The following GALNT7 variants were observed in gnomAD, a reference collection of about 807,000 sequenced individuals.
The protein encoded by GALNT7 is N-acetylgalactosaminyltransferase 7.
GALNT7 carries 60 observed loss-of-function variants against 82.1 expected under a neutral mutation model. That is an observed-to-expected ratio of 0.73 (90% CI 0.59 to 0.91). GALNT7 has a LOEUF of 0.91. Ranked by LOEUF, GALNT7 falls within the 40% of genes least tolerant of loss-of-function variation. The probability of loss-of-function intolerance (pLI) is 0.00; values close to 1 mark genes in which losing one functional copy is unlikely to be tolerated. For missense variants in GALNT7, 660 were observed against 804.2 expected (o/e 0.82, Z 2.17); for synonymous variants, 243 against 275.1 (o/e 0.88, Z 1.15).
At position 173,323,092 on chromosome 4, in the gene GALNT7, T is replaced by C. The variant is rs1410316165; in HGVS notation, c.*1375T>C. 1.3e-5 allele frequency: 2 copies of C among 152,298 alleles called. No homozygotes were observed. Among genetic ancestry groups the C allele is most frequent in the African/African-American group, 4.8e-5 (2 of 41,360 alleles). The allele number at this position is 152,298 out of a possible 1,614,324, so 9.4% of individuals were successfully genotyped here. Reference sequence around the variant, plus strand: ...TTTTAATTTCTCAAAAGATACTCTGTTATCCAGAAGATTAAAATGCCTACA... The same window carrying C: ...TTTTAATTTCTCAAAAGATACTCTGCTATCCAGAAGATTAAAATGCCTACA... On this transcript the variant is annotated 3_prime_UTR_variant, in exon 12 of 12. Transcript: ENST00000265000.
intron 1 of GALNT7, among the ~76,000 whole-genome samples, chr4:173,219,123 C>T (rs1469691820): frequency 6.6e-6 from 1 of 151,988 alleles, no homozygotes; most frequent in Admixed American, 6.6e-5. Context: ...TTATCCCTCT[C>T]CTCCCTCCCA....
At chr4:173,218,439 C>A (rs1351674866) in intron 1 of GALNT7, among the ~76,000 whole-genome samples, 1 of 147,184 alleles carries the variant, frequency 6.8e-6, no homozygotes, top group East Asian at 2.1e-4. Context: ...GATAGTATTG[C>A]CCTTACCTAA....
chr4:173,195,350 G>A lies in GALNT7; in HGVS notation c.126+26389G>A, dbSNP rs148914986. Among the ~76,000 whole-genome samples, 589 of 152,102 alleles carry A rather than the reference G, an allele frequency of 3.9e-3. 2 individuals are homozygous for A. The highest frequency in any genetic ancestry group is 0.013 in the African/African-American group (556 of 41,466). On this transcript the variant is annotated intron_variant, in intron 1 of 11. Coordinates refer to ENST00000265000, the MANE Select transcript of GALNT7 (RefSeq NM_017423.3). ...GGCTCTGAGTGACTGACTGGCTCTG[G>A]GCCTAGGCTACTTTGAAGTGCAATT...
At chr4:173,224,789 G>A (rs4696053) in intron 1 of GALNT7, among the ~76,000 whole-genome samples, 144,158 of 151,480 alleles carry the variant, frequency 0.95, 68,840 homozygotes, top group Non-Finnish European at 1. Context: ...GAGGCGGGCG[G>A]ATCACGAGGT....
At chr4:173,318,296 T>A (rs1216883674) in intron 10 of GALNT7, 135 bp from the exon 11 acceptor site, 8 of 632,028 alleles carry the variant, frequency 1.3e-5, no homozygotes, top group Non-Finnish European at 2.2e-5. Flanking sequence ...TCTGTGGACT[T>A]ACAGTTCTAA....
At chr4:173,222,092 A>G (rs769179792) in intron 1 of GALNT7, among the ~76,000 whole-genome samples, 8 of 152,172 alleles carry the variant, frequency 5.3e-5, no homozygotes, top group Admixed American at 1.3e-4. Context: ...TAGGAACCAT[A>G]ACAGTTCACT....
At chr4:173,182,694 ACAG>A in intron 1 of GALNT7, among the ~76,000 whole-genome samples, 2 of 135,808 alleles carry the variant, frequency 1.5e-5, no homozygotes, top group Middle Eastern at 8.8e-3. Flanking sequence ...ACACACACAC[ACAG>A]CGTGTTGCCC....
chr4:173,247,029 G>C (rs1734661517), intron 1 of GALNT7, among the ~76,000 whole-genome samples: 1 of 152,054 alleles, frequency 6.6e-6, no homozygotes, highest in African/African-American at 2.4e-5. Flanking sequence ...ATCACCAGGA[G>C]TGCTTTTAAA....
In GALNT7 at chr4:173,250,570, ATC is replaced by A. The variant is rs1225181794; in HGVS notation, c.587+2135_587+2136del. On this transcript the variant is annotated intron_variant, in intron 2 of 11. Transcript: ENST00000265000. ...CTCCACCTGAGGCCATGCAACCATCATCTCTCCTGGAATCCTGCAGAAGTCTC... is the reference window on the plus strand; with the variant it reads ...CTCCACCTGAGGCCATGCAACCATCATCTCCTGGAATCCTGCAGAAGTCTC... 5.3e-5 allele frequency among the ~76,000 whole-genome samples: 8 copies of A among 151,716 alleles called. No homozygotes were observed. The East Asian group carries it at 1.5e-3, about 29-fold the overall frequency.
intron 8 of GALNT7, among the ~76,000 whole-genome samples, chr4:173,305,959 A>T (rs757961672): frequency 1.3e-5 from 2 of 152,100 alleles, no homozygotes; most frequent in Admixed American, 6.5e-5. Flanking sequence ...GATAGAGATT[A>T]TATTGAATCT....
chr4:173,321,901 CTGTTTACAAGACTG>C lies in GALNT7; in HGVS notation c.*185_*198del. 2 of 520,350 alleles carry C rather than the reference CTGTTTACAAGACTG, an allele frequency of 3.8e-6. No homozygotes were observed. The highest frequency in any genetic ancestry group is 6.9e-6 in the Non-Finnish European group (2 of 288,408). 32.2% of individuals were successfully genotyped at this position (520,350 alleles called of 1,614,324 possible). ...ACAATAACATTATCATCTGCAGTTA[CTGTTTACAAGACTG>C]CTTTTACCTTAAACTTTGTAGATGT... On this transcript the variant is annotated 3_prime_UTR_variant, in exon 12 of 12. Coordinates refer to ENST00000265000, the MANE Select transcript of GALNT7 (RefSeq NM_017423.3).
rs1196350568 is a variant in GALNT7 at position 173,212,793 on chromosome 4, C to T, written c.127-35187C>T. On this transcript the variant is annotated intron_variant, in intron 1 of 11. Coordinates refer to ENST00000265000, the MANE Select transcript of GALNT7 (RefSeq NM_017423.3). ...AGACAATAGCCCCATGACTTCAGTG[C>T]TTCAGAGTTCCATGTGTGTTTCCTT... Among the ~76,000 whole-genome samples, 4 of 152,246 alleles carry T rather than the reference C, an allele frequency of 2.6e-5. No homozygotes were observed. The East Asian group carries it at 7.7e-4, about 29-fold the overall frequency.
chr4:173,199,442 C>T (rs1464478890), intron 1 of GALNT7, among the ~76,000 whole-genome samples: 1 of 152,144 alleles, frequency 6.6e-6, no homozygotes, highest in Non-Finnish European at 1.5e-5. Flanking sequence ...AACATAAGGA[C>T]CACATGCTAA....
chr4:173,200,731 A>C (rs1394213083), intron 1 of GALNT7, among the ~76,000 whole-genome samples: 1 of 152,222 alleles, frequency 6.6e-6, no homozygotes, highest in Non-Finnish European at 1.5e-5. Context: ...ATTTTGCAGG[A>C]TACAGCCATT....
intron 2 of GALNT7, among the ~76,000 whole-genome samples, chr4:173,272,341 A>G (rs1735758834): frequency 6.6e-6 from 1 of 152,216 alleles, no homozygotes. Flanking sequence ...ACAGTTGACC[A>G]TAGCTTACAT....
chr4:173,211,634 T>G (rs1733287928), intron 1 of GALNT7, among the ~76,000 whole-genome samples: 1 of 152,216 alleles, frequency 6.6e-6, no homozygotes, highest in Non-Finnish European at 1.5e-5. Flanking sequence ...TAATGTAAAA[T>G]ATCCTACCTG....
intron 2 of GALNT7, among the ~76,000 whole-genome samples, chr4:173,284,849 C>G (rs535567858): frequency 6.6e-5 from 10 of 152,110 alleles, no homozygotes; most frequent in Non-Finnish European, 1.3e-4. Context: ...GCCTTATAGA[C>G]AATCCTATTC....
At chr4:173,248,564 G>A in intron 2 of GALNT7, 124 bp downstream of exon 2, 3 of 659,944 alleles carry the variant, frequency 4.5e-6, no homozygotes, top group Non-Finnish European at 7.7e-6. Flanking sequence ...GAAATAAGAG[G>A]ATCTTTGAAC....
At chr4:173,235,895 C>T (rs1176832465) in intron 1 of GALNT7, among the ~76,000 whole-genome samples, 1 of 152,168 alleles carries the variant, frequency 6.6e-6, no homozygotes, top group Non-Finnish European at 1.5e-5. Context: ...GATCAATTCT[C>T]CTTGAAGTTT....
Sources: gnomAD v4.1 joint callset for allele counts (sites outside exome capture counted in the v4.1 genomes callset) on GRCh38, gnomAD v4.1.1 for gene constraint, MANE v1.5 for transcripts, NCBI Gene and HGNC (gene_info 2026-07-23, HGNC 2026-07-21) for gene names.